Variants in INSC observed in about 807,000 individuals in gnomAD.
The protein encoded by INSC is INSC spindle orientation adaptor protein, also known as protein inscuteable homolog.
A neutral mutation model predicts 58.6 loss-of-function variants in INSC; 67 were observed. The ratio of observed to expected loss-of-function variants is 1.14; its 90% CI spans 0.94 to 1.40. The LOEUF (loss-of-function observed/expected upper bound fraction) is 1.40. INSC is among the 40% of genes most tolerant of loss of function. INSC has a pLI of 0.00. For synonymous variants in INSC, 262 were observed against 276.1 expected (o/e 0.95, Z 0.51); for missense variants, 714 against 692.0 (o/e 1.03, Z -0.36).
At chr11:15,229,983 A>ATATATATATAT (rs1851825755) in intron 9 of INSC, among the ~76,000 whole-genome samples, 1 of 23,740 alleles carries the variant, frequency 4.2e-5, no homozygotes, top group Non-Finnish European at 7.0e-5. Flanking sequence ...TATATATTAT[A>ATATATATATAT]TATATATATA....
At chr11:15,112,591 AGTGTGTGTGT>A (rs375142839), upstream of INSC, 1,293 of 367,070 alleles carry the variant, frequency 3.5e-3, 3 homozygotes, top group East Asian at 0.013. Flanking sequence ...GGTGGATGTG[AGTGTGTGTGT>A]GTGTGTGTGT....
chr11:15,155,066 G>A (rs964268213), intron 2 of INSC, among the ~76,000 whole-genome samples: 2 of 152,144 alleles, frequency 1.3e-5, no homozygotes, highest in Non-Finnish European at 2.9e-5. Context: ...GTGGCCTAGG[G>A]TGCCCTGCCT....
chr11:15,254,544 A>C, the INSC span, among the ~76,000 whole-genome samples: 1 of 152,196 alleles, frequency 6.6e-6, no homozygotes, highest in South Asian at 2.1e-4. Flanking sequence ...CAAGACACAT[A>C]CCTCCCTGTG....
At chr11:15,193,087 A>G (rs962008224) in intron 6 of INSC, among the ~76,000 whole-genome samples, 8 of 152,186 alleles carry the variant, frequency 5.3e-5, no homozygotes, top group Non-Finnish European at 7.4e-5. Flanking sequence ...TCAAATTGTG[A>G]GCTTTGATTC....
At chr11:15,266,106 C>T in the INSC span, among the ~76,000 whole-genome samples, 2 of 151,824 alleles carry the variant, frequency 1.3e-5, no homozygotes, top group African/African-American at 4.8e-5. Flanking sequence ...ATTGAAATCT[C>T]AAAATGCTTC....
intron 4 of INSC, among the ~76,000 whole-genome samples, 179 bp downstream of exon 4, chr11:15,177,342 G>A (rs943526075): frequency 1.1e-4 from 16 of 152,128 alleles, no homozygotes; most frequent in Admixed American, 9.2e-4. Context: ...TCTGCCCCAT[G>A]TTCAGGCCCT....
At chr11:15,207,257 CAG>C (rs1463846719) in intron 7 of INSC, among the ~76,000 whole-genome samples, 1 of 152,198 alleles carries the variant, frequency 6.6e-6, no homozygotes, top group Non-Finnish European at 1.5e-5. Context: ...ACTGAAAGAC[CAG>C]AGACGGCCTC....
intron 2 of INSC, among the ~76,000 whole-genome samples, chr11:15,149,697 C>T (rs1041506512): frequency 6.6e-6 from 1 of 152,002 alleles, no homozygotes; most frequent in Non-Finnish European, 1.5e-5. Flanking sequence ...AGGGGAAGCC[C>T]GGATAACGAG....
At chr11:15,142,563 C>T (rs888135769) in intron 1 of INSC, among the ~76,000 whole-genome samples, 1 of 152,202 alleles carries the variant, frequency 6.6e-6, no homozygotes, top group African/African-American at 2.4e-5. Flanking sequence ...GCTTGTTTGT[C>T]CCGCTTCGGG....
chr11:15,152,837 A>G (rs1307204584), intron 2 of INSC, among the ~76,000 whole-genome samples: 2 of 152,196 alleles, frequency 1.3e-5, no homozygotes, highest in African/African-American at 4.8e-5. Flanking sequence ...TCGGTACCAC[A>G]TCACAATGTC....
intron 2 of INSC, among the ~76,000 whole-genome samples, chr11:15,155,429 T>C (rs1311275853): frequency 6.6e-6 from 1 of 152,218 alleles, no homozygotes. Context: ...TGATCCATAA[T>C]GGTTTGTTTA....
At chr11:15,204,840 A>G (rs1263591821) in intron 7 of INSC, among the ~76,000 whole-genome samples, 1 of 152,168 alleles carries the variant, frequency 6.6e-6, no homozygotes. Context: ...GATTTGGTGA[A>G]ATTCGTCTCT....
intron 7 of INSC, among the ~76,000 whole-genome samples, chr11:15,217,240 G>A (rs552423520): frequency 2.0e-5 from 3 of 152,266 alleles, no homozygotes; most frequent in East Asian, 1.9e-4. Context: ...AGAGCAAAGC[G>A]GAGGGGAAGC....
intron 5 of INSC, among the ~76,000 whole-genome samples, chr11:15,184,149 A>G (rs1000136727): frequency 3.3e-5 from 5 of 152,174 alleles, no homozygotes; most frequent in African/African-American, 1.2e-4. Flanking sequence ...TGTGCTTTTT[A>G]AATCATATTC....
chr11:15,258,736 T>G, the INSC span, among the ~76,000 whole-genome samples: 10 of 152,198 alleles, frequency 6.6e-5, no homozygotes, highest in Non-Finnish European at 1.2e-4. Context: ...TTAGGGACTC[T>G]CTGACCTGGG....
chr11:15,198,818 T>C (rs1055312052), intron 6 of INSC, among the ~76,000 whole-genome samples: 1 of 152,190 alleles, frequency 6.6e-6, no homozygotes, highest in Middle Eastern at 3.4e-3. Flanking sequence ...GAGGTCTGTA[T>C]GTAGAACCTT....
At chr11:15,120,366 T>TG (rs1035211747) in intron 1 of INSC, among the ~76,000 whole-genome samples, 8 of 152,186 alleles carry the variant, frequency 5.3e-5, no homozygotes, top group African/African-American at 1.9e-4. Flanking sequence ...GGCCTGTCTG[T>TG]GGGGCATGAT....
chr11:15,236,824 C>T (rs751488992), intron 10 of INSC, among the ~76,000 whole-genome samples: 10 of 152,242 alleles, frequency 6.6e-5, no homozygotes, highest in Non-Finnish European at 1.5e-4. Flanking sequence ...TCTTAACAAA[C>T]ATACACTTTC....
Position 15,247,095 on chromosome 11 carries a change from A to G in INSC, c.*1055A>G, listed in dbSNP as rs902112834. On this transcript the variant is annotated 3_prime_UTR_variant, in exon 13 of 13. Coordinates refer to ENST00000379556, the MANE Select transcript of INSC (RefSeq NM_001042536.3). ...TTGAAAGTATCACAAAAATCTGGGG[A>G]TCCTTTTGAAAATATAAATGCCATC... is the stretch of plus-strand genomic sequence containing the variant. 2 of 151,264 alleles carry G rather than the reference A, an allele frequency of 1.3e-5. No homozygotes were observed. The highest frequency in any genetic ancestry group is 4.9e-5 in the African/African-American group (2 of 41,038). The allele number at this position is 151,264 out of a possible 1,614,324, so 9.4% of individuals were successfully genotyped here. A position where few individuals can be genotyped will look rare whatever the true frequency, so the allele number is the denominator to read the frequency against.
Sources: allele counts gnomAD v4.1 joint callset (sites outside exome capture counted in the v4.1 genomes callset), GRCh38; gene constraint gnomAD v4.1.1; transcripts MANE v1.5; gene names NCBI Gene and HGNC (gene_info 2026-07-23, HGNC 2026-07-21).